Variants in GAPVD1 observed in about 807,000 individuals in gnomAD.
GAPVD1 encodes the protein GTPase-activating protein and VPS9 domain-containing protein 1.
GAPVD1 carries 35 observed loss-of-function variants against 155.5 expected under a neutral mutation model. The ratio of observed to expected loss-of-function variants is 0.23; its 90% CI spans 0.17 to 0.30. The LOEUF (loss-of-function observed/expected upper bound fraction) is 0.30, where lower values mean the gene tolerates loss of function less well. GAPVD1 is among the 10% of genes least tolerant of loss of function. The probability of loss-of-function intolerance (pLI) is 1.00; values close to 1 mark genes in which losing one functional copy is unlikely to be tolerated. For synonymous variants in GAPVD1, 636 were observed against 619.7 expected, an observed-to-expected ratio of 1.03 and a Z score of -0.39; for missense variants, 1,429 against 1,775.7, an observed-to-expected ratio of 0.80 and a Z score of 3.51.
chr9:125,264,105 A>G, intron 1 of GAPVD1: 1 of 753,642 alleles, frequency 1.3e-6, no homozygotes, highest in Non-Finnish European at 2.4e-6. Context: ...AGAACATTTG[A>G]ATCATTGAAG....
intron 17 of GAPVD1, 87 bp from the exon 18 acceptor site, chr9:125,341,090 A>G: frequency 2.5e-6 from 2 of 810,656 alleles, no homozygotes. Context: ...ATCTCAAAAC[A>G]AAACAAAAAC....
rs1374690422 is a variant in GAPVD1 at position 125,365,979 on chromosome 9, T to C, written c.*3233T>C. On this transcript the variant is annotated 3_prime_UTR_variant, in exon 28 of 28. Coordinates refer to ENST00000297933, the MANE Select transcript of GAPVD1 (RefSeq NM_001282680.3). ...TATATATTTAAACGTGTCAAACATT[T>C]TGCTTTCTTTCTCCATTTTAGGTAA... 4 of 152,252 alleles carry C rather than the reference T, an allele frequency of 2.6e-5. No homozygotes were observed. Among genetic ancestry groups the C allele is most frequent in the Non-Finnish European group, 5.9e-5 (4 of 68,042 alleles). 9.4% of individuals were successfully genotyped at this position (152,252 alleles called of 1,614,324 possible).
chr9:125,275,359 A>C (rs538440983), intron 2 of GAPVD1, among the ~76,000 whole-genome samples: 1 of 152,342 alleles, frequency 6.6e-6, no homozygotes, highest in Admixed American at 6.5e-5. Flanking sequence ...TACAGGCGTA[A>C]GCCACCACAC....
chr9:125,314,528 C>T (rs1023396951), intron 9 of GAPVD1, among the ~76,000 whole-genome samples: 1 of 151,902 alleles, frequency 6.6e-6, no homozygotes, highest in African/African-American at 2.4e-5. Context: ...GTGGCGCATG[C>T]CTGTAATCCC....
rs767888538 is a variant in GAPVD1 at position 125,330,083 on chromosome 9, G to A, written c.2038G>A (p.Ala680Thr). 2.5e-6 allele frequency: 4 copies of A among 1,608,188 alleles called. No individual in the cohort carries two copies. The Admixed American group carries it at 6.8e-5, about 27-fold the overall frequency. The change falls in exon 13 of 28, where the codon GCA (alanine) becomes ACA (threonine). Residue 680 changes from alanine (A) to threonine (T), a missense_variant. By Grantham distance (58) the Ala-to-Thr change is moderately conservative. This residue lies in a region of GAPVD1 where 699 missense variants were observed against 826.0 expected (regional missense o/e 0.85). Coordinates refer to ENST00000297933, the MANE Select transcript of GAPVD1 (RefSeq NM_001282680.3). ...EDRLQEIAGA[A>T]AENMLGSLLC... ...GCTTCCCACTGGTTATACAGGTGCTGCAGCAGAGAACATGTTAGGCAGTTT... is the reference window on the plus strand; with the variant it reads ...GCTTCCCACTGGTTATACAGGTGCTACAGCAGAGAACATGTTAGGCAGTTT...
rs1257327224 is a variant in GAPVD1 at position 125,266,145 on chromosome 9, A to T, written c.-198-2791A>T. Among the ~76,000 whole-genome samples, 54 of 129,138 alleles carry T rather than the reference A, an allele frequency of 4.2e-4. 1 individual carries two copies. The highest frequency in any genetic ancestry group is 3.8e-3 in the Admixed American group (49 of 12,794). 84.7% of individuals were successfully genotyped at this position (129,138 alleles called of 152,430 possible). A position where few individuals can be genotyped will look rare whatever the true frequency, so the allele number is the denominator to read the frequency against. On this transcript the variant is annotated intron_variant, in intron 1 of 27. Coordinates refer to ENST00000297933, the MANE Select transcript of GAPVD1 (RefSeq NM_001282680.3). ...ATCTATAATTTTTTTTTTTTTTTTG[A>T]GGTGGAGTTTTGCTCTTGTTGCCCA...
At chr9:125,330,718 A>G (rs932204917) in intron 13 of GAPVD1, among the ~76,000 whole-genome samples, 11 of 152,222 alleles carry the variant, frequency 7.2e-5, no homozygotes, top group Non-Finnish European at 1.5e-4. Flanking sequence ...ATGCTCTGTT[A>G]GATAGCATAG....
chr9:125,282,436 C>A (rs1478508486), intron 2 of GAPVD1, among the ~76,000 whole-genome samples: 1 of 152,224 alleles, frequency 6.6e-6, no homozygotes, highest in African/African-American at 2.4e-5. Flanking sequence ...CACTCCTGGC[C>A]TGATAGTCGG....
chr9:125,339,115 G>C (rs950898604), intron 17 of GAPVD1, among the ~76,000 whole-genome samples: 9 of 152,124 alleles, frequency 5.9e-5, no homozygotes, highest in African/African-American at 9.7e-5. Context: ...CCAAGTAGTT[G>C]GGAGTATAGG....
intron 1 of GAPVD1, among the ~76,000 whole-genome samples, chr9:125,264,273 C>T (rs555844678): frequency 3.3e-5 from 5 of 152,266 alleles, no homozygotes; most frequent in Admixed American, 6.5e-5. Context: ...CCGCTCACTG[C>T]GACCTCAGCT....
chr9:125,320,029 T>A (rs1844066310), intron 9 of GAPVD1, among the ~76,000 whole-genome samples: 1 of 152,240 alleles, frequency 6.6e-6, no homozygotes, highest in South Asian at 2.1e-4. Flanking sequence ...ATCTTTTAGC[T>A]GACAAAATTG....
intron 2 of GAPVD1, among the ~76,000 whole-genome samples, chr9:125,271,938 A>G (rs996335625): frequency 1.3e-5 from 2 of 152,246 alleles, no homozygotes; most frequent in African/African-American, 4.8e-5. Context: ...AAAATGCATT[A>G]GGTCTAAAAG....
chr9:125,308,390 TCTAA>T (rs1842176506), intron 8 of GAPVD1: 1 of 152,758 alleles, frequency 6.5e-6, no homozygotes, highest in African/African-American at 2.4e-5. Flanking sequence ...TCTACAAAGT[TCTAA>T]ATAATATAAT....
At chr9:125,271,823 G>A (rs951264759) in intron 2 of GAPVD1, among the ~76,000 whole-genome samples, 14 of 151,876 alleles carry the variant, frequency 9.2e-5, no homozygotes, top group Admixed American at 4.6e-4. Context: ...CTTACCCACC[G>A]CACCTGGCCC....
intron 25 of GAPVD1, among the ~76,000 whole-genome samples, chr9:125,358,806 C>G (rs1477975361): frequency 6.6e-6 from 1 of 152,182 alleles, no homozygotes; most frequent in African/African-American, 2.4e-5. Context: ...AGACTACAAA[C>G]AGCAACTTTG....
intron 20 of GAPVD1, among the ~76,000 whole-genome samples, chr9:125,348,430 A>G (rs1209489539): frequency 6.6e-6 from 1 of 151,760 alleles, no homozygotes; most frequent in Non-Finnish European, 1.5e-5. Context: ...CCTGAGCTCA[A>G]GCGATCTTCC....
At chr9:125,326,333 C>T (rs1845177611) in intron 11 of GAPVD1, 83 bp from the exon 12 acceptor site, 2 of 963,446 alleles carry the variant, frequency 2.1e-6, no homozygotes, top group African/African-American at 1.6e-5. Flanking sequence ...GCCTGACCAA[C>T]ATGGAGATAA....
At chr9:125,288,256 C>T (rs943094265) in intron 2 of GAPVD1, among the ~76,000 whole-genome samples, 6 of 151,668 alleles carry the variant, frequency 4.0e-5, no homozygotes, top group Non-Finnish European at 7.4e-5. Flanking sequence ...GATTTATAGG[C>T]GCGCACCACC....
intron 19 of GAPVD1, among the ~76,000 whole-genome samples, chr9:125,343,093 C>T (rs768584998): frequency 1.3e-5 from 2 of 152,136 alleles, no homozygotes; most frequent in African/African-American, 2.4e-5. Context: ...GTTCAACCCA[C>T]GGACCGCAGA....
Sources: gnomAD v4.1 joint callset for allele counts (sites outside exome capture counted in the v4.1 genomes callset) on GRCh38, gnomAD v4.1.1 for gene constraint, gnomAD v4.1.1 regional missense constraint, MANE v1.5 for transcripts, NCBI Gene and HGNC (gene_info 2026-07-23, HGNC 2026-07-21) for gene names.